The following EDIL3 variants were observed in gnomAD, a reference collection of about 807,000 sequenced individuals.
EDIL3 encodes EGF like and discoidin domains 3, also known as EGF-like repeat and discoidin I-like domain-containing protein 3.
EDIL3 carries 37 observed loss-of-function variants against 67.4 expected under a neutral mutation model. The observed-to-expected ratio is 0.55, with a 90% CI of 0.42 to 0.72. The LOEUF (loss-of-function observed/expected upper bound fraction) is 0.72, where lower values mean the gene tolerates loss of function less well. Ranked by LOEUF, EDIL3 falls within the 30% of genes least tolerant of loss-of-function variation. EDIL3 has a pLI of 0.00. For synonymous variants in EDIL3, 195 were observed against 196.3 expected, an observed-to-expected ratio of 0.99 and a Z score of 0.05; for missense variants, 527 against 586.3, an observed-to-expected ratio of 0.90 and a Z score of 1.04.
chr5:84,260,333 G>C (rs1375388703), intron 1 of EDIL3, among the ~76,000 whole-genome samples: 1 of 152,166 alleles, frequency 6.6e-6, no homozygotes. Flanking sequence ...TAGGCACAGG[G>C]AACAGGAAGT....
intron 6 of EDIL3, among the ~76,000 whole-genome samples, chr5:84,101,390 T>C (rs1219096519): frequency 1.3e-5 from 2 of 151,784 alleles, no homozygotes; most frequent in Non-Finnish European, 2.9e-5. Flanking sequence ...CCAAAGAAGA[T>C]TAAAAAATTC....
chr5:84,312,338 C>A (rs1293127504), intron 1 of EDIL3, among the ~76,000 whole-genome samples: 1 of 144,340 alleles, frequency 6.9e-6, no homozygotes, highest in Non-Finnish European at 1.5e-5. Context: ...GGGGGGCTGA[C>A]CCCCCCACCT....
At chr5:84,203,018 A>C (rs977088311) in intron 3 of EDIL3, among the ~76,000 whole-genome samples, 12 of 152,178 alleles carry the variant, frequency 7.9e-5, no homozygotes, top group African/African-American at 2.9e-4. Context: ...CAGGCAAAAG[A>C]AACAGGACAC....
intron 1 of EDIL3, among the ~76,000 whole-genome samples, chr5:84,324,350 T>C (rs1490215519): frequency 6.6e-6 from 1 of 151,874 alleles, no homozygotes; most frequent in Non-Finnish European, 1.5e-5. Flanking sequence ...ACAATGGAAA[T>C]TTAAAAATAC....
intron 1 of EDIL3, among the ~76,000 whole-genome samples, chr5:84,379,027 G>A (rs745447575): frequency 7.2e-5 from 11 of 152,108 alleles, no homozygotes; most frequent in Non-Finnish European, 1.5e-4. Flanking sequence ...AATGAGGGAG[G>A]AGGGGAGAGG....
intron 9 of EDIL3, among the ~76,000 whole-genome samples, chr5:83,979,826 A>G (rs376872694): frequency 8.5e-5 from 13 of 152,228 alleles, no homozygotes; most frequent in South Asian, 4.1e-4. Flanking sequence ...TATTGCCTCA[A>G]TTTGACTCTT....
chr5:84,318,594 G>A (rs1408844000), intron 1 of EDIL3, among the ~76,000 whole-genome samples: 1 of 152,154 alleles, frequency 6.6e-6, no homozygotes, highest in Admixed American at 6.5e-5. Context: ...TGGGAAAACT[G>A]GTTAGCCACA....
intron 4 of EDIL3, among the ~76,000 whole-genome samples, chr5:84,168,743 A>C (rs1425681917): frequency 1.4e-4 from 22 of 152,166 alleles, no homozygotes; most frequent in Admixed American, 1.4e-3. Context: ...CCTTGGTCCA[A>C]GCCACCATCA....
chr5:84,064,949 AT>A, intron 7 of EDIL3, 105 bp from the exon 8 acceptor site: 8 of 1,362,096 alleles, frequency 5.9e-6, no homozygotes, highest in Non-Finnish European at 7.7e-6. Context: ...CGAAGAACAG[AT>A]TACATTATTT....
rs369791080 is a variant in EDIL3, at chr5:84,166,165, A to G, written c.355+14228T>C. 6.6e-5 allele frequency among the ~76,000 whole-genome samples: 10 copies of G among 152,278 alleles called. No homozygotes were observed. The South Asian group carries it at 1.0e-3, about 16-fold the overall frequency. On this transcript the variant is annotated intron_variant, in intron 4 of 10. Transcript: ENST00000296591. ...ATCTTTATATACTACATGGCTCCTC[A>G]TATTCACCAAAAATCTAATAAACAC...
At chr5:84,309,699 T>A (rs974331842) in intron 1 of EDIL3, among the ~76,000 whole-genome samples, 1 of 152,166 alleles carries the variant, frequency 6.6e-6, no homozygotes, top group Admixed American at 6.5e-5. Context: ...CTGCATAGTA[T>A]TCCATGGTGT....
intron 1 of EDIL3, among the ~76,000 whole-genome samples, chr5:84,362,051 A>T (rs1400432598): frequency 6.6e-6 from 1 of 152,134 alleles, no homozygotes; most frequent in Non-Finnish European, 1.5e-5. Context: ...TGTAGAATAC[A>T]TATAAGCCAA....
At chr5:84,069,819 C>A (rs73134276) in intron 6 of EDIL3, among the ~76,000 whole-genome samples, 11 of 151,940 alleles carry the variant, frequency 7.2e-5, no homozygotes, top group Non-Finnish European at 1.0e-4. Context: ...TCCAAGAGCA[C>A]CTGTCCCGCC....
chr5:84,312,211 G>A (rs980414001), intron 1 of EDIL3, among the ~76,000 whole-genome samples: 2 of 146,062 alleles, frequency 1.4e-5, no homozygotes, highest in Non-Finnish European at 3.0e-5. Flanking sequence ...CTCCCTCCCC[G>A]ACGGGGCGGC....
In EDIL3 at chr5:84,301,649, A is replaced by C. The variant is rs549196354; in HGVS notation, c.68-47437T>G. On this transcript the variant is annotated intron_variant, in intron 1 of 10. Transcript: ENST00000296591. ...GTAAAGAATGAAACTATGGCTGCACAGTATCATGCTGCAGGCCACTGTGAC... is the reference window on the plus strand; with the variant it reads ...GTAAAGAATGAAACTATGGCTGCACCGTATCATGCTGCAGGCCACTGTGAC... 3.3e-5 allele frequency among the ~76,000 whole-genome samples: 5 copies of C among 152,348 alleles called. No homozygotes were observed. In the South Asian group the frequency reaches 1.0e-3, roughly 32 times the overall value.
intron 1 of EDIL3, among the ~76,000 whole-genome samples, chr5:84,288,030 A>G (rs775729766): frequency 1.3e-5 from 2 of 152,158 alleles, no homozygotes; most frequent in Non-Finnish European, 2.9e-5. Context: ...ATTTATACTC[A>G]CGAACTCACT....
At chr5:84,366,571 A>G (rs1245469934) in intron 1 of EDIL3, among the ~76,000 whole-genome samples, 1 of 152,180 alleles carries the variant, frequency 6.6e-6, no homozygotes, top group Non-Finnish European at 1.5e-5. Flanking sequence ...GTAACTCTCT[A>G]TGAACATTTT....
intron 3 of EDIL3, among the ~76,000 whole-genome samples, chr5:84,213,320 G>C (rs1744166262): frequency 6.6e-6 from 1 of 151,896 alleles, no homozygotes; most frequent in Non-Finnish European, 1.5e-5. Flanking sequence ...TTTCTAATTT[G>C]TCTTATTTTA....
chr5:84,378,377 C>T (rs1232196187), intron 1 of EDIL3, among the ~76,000 whole-genome samples: 1 of 152,174 alleles, frequency 6.6e-6, no homozygotes, highest in African/African-American at 2.4e-5. Context: ...TACCACTCCC[C>T]ACCCCAAACC....
Sources: gnomAD v4.1 joint callset for allele counts (sites outside exome capture counted in the v4.1 genomes callset) on GRCh38, gnomAD v4.1.1 for gene constraint, MANE v1.5 for transcripts, NCBI Gene and HGNC (gene_info 2026-07-23, HGNC 2026-07-21) for gene names.